COL6A2: variants seen among roughly 807,000 people sequenced by gnomAD.
The protein encoded by COL6A2 is collagen type VI alpha 2 chain.
COL6A2 carries 90 observed loss-of-function variants against 124.9 expected under a neutral mutation model. The ratio of observed to expected loss-of-function variants is 0.72; its 90% CI spans 0.61 to 0.86. COL6A2 has a LOEUF of 0.86. Ranked by LOEUF, COL6A2 falls within the 40% of genes least tolerant of loss-of-function variation. The pLI is 0.00. For missense variants in COL6A2, 1,607 were observed against 1,502.5 expected (o/e 1.07, Z -1.15); for synonymous variants, 793 against 618.2 (o/e 1.28, Z -4.19).
chr21:46,125,259 A>C lies in COL6A2; in HGVS notation c.1771-7A>C. On this transcript the variant is annotated splice_region_variant and splice_polypyrimidine_tract_variant and intron_variant, in intron 23 of 27. Transcript: ENST00000300527. ...GGGGACTACCCTGCCTGCCGTGTGC[A>C]TTGCAGGAGTGTGACGTCATGACCT... The C allele has an allele frequency of 6.2e-7, 1 of 1,611,972 alleles. No homozygotes were observed. The highest frequency in any genetic ancestry group is 8.5e-7 in the Non-Finnish European group (1 of 1,179,414).
At chr21:46,128,230 T>G (rs2078703323) in intron 27 of COL6A2, among the ~76,000 whole-genome samples, 1 of 152,166 alleles carries the variant, frequency 6.6e-6, no homozygotes, top group East Asian at 1.9e-4. Flanking sequence ...CTCTGGCCTC[T>G]TCTGAGGCCT....
chr21:46,131,144 T>TCC (rs1023086132), intron 27 of COL6A2, among the ~76,000 whole-genome samples: 1 of 152,044 alleles, frequency 6.6e-6, no homozygotes, highest in African/African-American at 2.4e-5. Flanking sequence ...GTCCCTCCCC[T>TCC]CCCCCATCCC....
At position 46,125,558 on chromosome 21, in the gene COL6A2, T is replaced by TC; in HGVS notation, c.1911dup (p.Val638ArgfsTer13). ...ACCAACTTCACACTGGAGAAGAACT[T>TC]CGTCATCAACGTGGTCAACAGGCTG... On this transcript the variant is annotated frameshift_variant, in exon 25 of 28. Coordinates refer to ENST00000300527, the MANE Select transcript of COL6A2 (RefSeq NM_001849.4). LOFTEE classifies it high-confidence loss of function. 1 of 1,612,634 alleles carries TC rather than the reference T, an allele frequency of 6.2e-7. No homozygotes were observed.
rs749697846 is a variant in COL6A2, at chr21:46,132,299, C to T, written c.2807C>T (p.Ala936Val). 1.2e-6 allele frequency: 2 copies of T among 1,605,714 alleles called. No individual in the cohort carries two copies. The highest frequency in any genetic ancestry group is 2.2e-5 in the East Asian group (1 of 44,798). ...NAIVRSPRGG[A>V]RRHAELSFVF... ...ATCGTGCGCAGCCCGCGTGGCGGGG[C>T]CCGGAGGCACGCAGAGCTGTCCTTC... Residue 936 changes from alanine to valine, a missense_variant, in exon 28 of 28, where the codon GCC becomes GTC. By Grantham distance (64) the Ala-to-Val change is moderately conservative (BLOSUM62 0). Coordinates refer to ENST00000300527, the MANE Select transcript of COL6A2 (RefSeq NM_001849.4).
chr21:46,131,474 G>C (rs1320195923), intron 27 of COL6A2, among the ~76,000 whole-genome samples: 2 of 152,242 alleles, frequency 1.3e-5, no homozygotes, highest in Non-Finnish European at 2.9e-5. Context: ...TTCCGGGAGG[G>C]ACGTGGCCCA....
Position 46,132,181 on chromosome 21 carries a change from A to T in COL6A2, c.2689A>T (p.Asn897Tyr). ...EQQVAFPLSH[N>Y]LTAIHEALET... ...GCAGGTGGCCTTCCCGCTGAGCCAC[A>T]ACCTCACGGCCATCCACGAGGCGCT... The change falls in exon 28 of 28, where the codon AAC becomes TAC. Residue 897 changes from asparagine (N) to tyrosine (Y), a missense_variant. Physicochemically the swap from Asn to Tyr is moderately radical, Grantham distance 143. Transcript: ENST00000300527. 6.4e-7 allele frequency: 1 copy of T among 1,573,908 alleles called. No individual in the cohort carries two copies. Among genetic ancestry groups the T allele is most frequent in the Non-Finnish European group, 8.6e-7 (1 of 1,160,912 alleles).
rs375657995 is a variant in COL6A2, at chr21:46,131,933, C to T, written c.2462-21C>T. On this transcript the variant is annotated intron_variant, in intron 27 of 27. Coordinates refer to ENST00000300527, the MANE Select transcript of COL6A2 (RefSeq NM_001849.4). ...CTGCCCACCTCCCCTCCGCCCAGCC[C>T]GCACCTGCGTCTCCCCACAGAGCTG... 1.1e-3 allele frequency: 1,704 copies of T among 1,573,434 alleles called. 3 individuals carry two copies. The highest frequency in any genetic ancestry group is 1.6e-3 in the South Asian group (140 of 86,500).
intron 1 of COL6A2, among the ~76,000 whole-genome samples, chr21:46,108,069 T>C (rs994799559): frequency 6.6e-5 from 10 of 151,414 alleles, no homozygotes; most frequent in Non-Finnish European, 1.3e-4. Flanking sequence ...CTCCTTTCTC[T>C]TTCTTTCTCT....
chr21:46,107,522 A>G (rs1279493146), intron 1 of COL6A2, among the ~76,000 whole-genome samples: 1 of 152,184 alleles, frequency 6.6e-6, no homozygotes, highest in Non-Finnish European at 1.5e-5. Context: ...TAACATAGCT[A>G]GCTCTTTTTC....
rs1451931496 is a variant in COL6A2 at position 46,125,475 on chromosome 21, G to A, written c.1827G>A (p.Lys609=). 3 of 1,612,804 alleles carry A rather than the reference G, an allele frequency of 1.9e-6. No individual in the cohort carries two copies. Among genetic ancestry groups the A allele is most frequent in the Non-Finnish European group, 1.7e-6 (2 of 1,179,826 alleles). Residue 609 remains lysine (K), a synonymous_variant, in exon 25 of 28, where the codon AAG becomes AAA. Transcript: ENST00000300527. ...RETCGCCDCE[K]RCGALDVVFV... ...CTGCCACCCCCCCAGACTGTGAGAA[G>A]CGCTGTGGCGCCCTGGACGTGGTCT... is the stretch of plus-strand genomic sequence containing the variant.
chr21:46,101,264 T>TTTG lies in COL6A2; in HGVS notation c.-28+3098_-28+3100dup, dbSNP rs148281210. Among the ~76,000 whole-genome samples, 527 of 152,330 alleles carry TTTG rather than the reference T, an allele frequency of 3.5e-3. 2 individuals are homozygous for TTTG. The highest frequency in any genetic ancestry group is 0.012 in the African/African-American group (480 of 41,576). On this transcript the variant is annotated intron_variant, in intron 1 of 27. Coordinates refer to ENST00000300527, the MANE Select transcript of COL6A2 (RefSeq NM_001849.4). ...TATTTTTGAATCAAGTTGATTGTTT[T>TTTG]TTGTTGTTGAATTTTAGGAGTTCTC...
intron 1 of COL6A2, among the ~76,000 whole-genome samples, chr21:46,103,841 G>C (rs2078311254): frequency 6.6e-6 from 1 of 152,132 alleles, no homozygotes; most frequent in African/African-American, 2.4e-5. Context: ...TCTCCGTCTG[G>C]TTGAAGTGAC....
chr21:46,116,259 G>C lies in COL6A2; in HGVS notation c.901-118G>C, dbSNP rs764155384. 3.1e-6 allele frequency: 4 copies of C among 1,296,092 alleles called. No homozygotes were observed. Among genetic ancestry groups the C allele is most frequent in the Non-Finnish European group, 4.4e-6 (4 of 914,854 alleles). The allele number at this position is 1,296,092 out of a possible 1,614,324, so 80.3% of individuals were successfully genotyped here. On this transcript the variant is annotated intron_variant, in intron 7 of 27. Coordinates refer to ENST00000300527, the MANE Select transcript of COL6A2 (RefSeq NM_001849.4). The surrounding 1 kb of genome is among the most constrained non-coding windows in gnomAD (Gnocchi z 4.6). ...CAGCCTCCTCCGCAGACTGTTTGTC[G>C]AGAACACTAGATGCCAGCGGCCCAC...
intron 4 of COL6A2, 135 bp from the exon 5 acceptor site, chr21:46,113,873 G>A (rs1037696140): frequency 2.2e-5 from 17 of 757,614 alleles, no homozygotes; most frequent in Middle Eastern, 2.6e-4. Flanking sequence ...CCTCACGCCC[G>A]CCCAGGTTCT....
chr21:46,120,511 A>T lies in COL6A2; in HGVS notation c.1333-4A>T, dbSNP rs2123642852. On this transcript the variant is annotated splice_polypyrimidine_tract_variant and splice_region_variant and intron_variant, in intron 15 of 27. Coordinates refer to ENST00000300527, the MANE Select transcript of COL6A2 (RefSeq NM_001849.4). Reference sequence around the variant, plus strand: ...CCCGTGGGGCCTCCCTTCCCTTCCCACAGGGGGACCCTGGCCCTGAGGGGC... The same window carrying T: ...CCCGTGGGGCCTCCCTTCCCTTCCCTCAGGGGGACCCTGGCCCTGAGGGGC... 6.6e-7 allele frequency: 1 copy of T among 1,511,360 alleles called. No homozygotes were observed. The highest frequency in any genetic ancestry group is 8.8e-7 in the Non-Finnish European group (1 of 1,132,020). 93.6% of individuals were successfully genotyped at this position (1,511,360 alleles called of 1,614,324 possible).
rs768172029 is a variant in COL6A2, at chr21:46,121,044, C to T, written c.1396-17C>T. The T allele has an allele frequency of 6.2e-7, 1 of 1,612,422 alleles. No individual in the cohort carries two copies. The highest frequency in any genetic ancestry group is 8.5e-7 in the Non-Finnish European group (1 of 1,179,610). On this transcript the variant is annotated splice_polypyrimidine_tract_variant and intron_variant, in intron 16 of 27. Transcript: ENST00000300527. ...CTGTCAGTCAAGAGAACCCCAAATT[C>T]CTCCCCTTTCTTCCAGGGAGACCGA...
chr21:46,132,343 G>A lies in COL6A2; in HGVS notation c.2851G>A (p.Val951Ile), dbSNP rs111630733. The change falls in exon 28 of 28, where the codon GTC (valine) becomes ATC (isoleucine). Residue 951 changes from valine to isoleucine, a missense_variant. Physicochemically the swap from Val to Ile is conservative, Grantham distance 29. This residue lies in a region of COL6A2 where 1,223 missense variants were observed against 1,052.2 expected (regional missense o/e 1.16). Coordinates refer to ENST00000300527, the MANE Select transcript of COL6A2 (RefSeq NM_001849.4). ...ELSFVFLTDG[V>I]TGNDSLHESA... ...GTCCTTCGTGTTCCTCACGGACGGC[G>A]TCACGGGCAACGACAGTCTGCACGA... is the stretch of plus-strand genomic sequence containing the variant. The A allele has an allele frequency of 6.1e-5, 98 of 1,608,200 alleles. No homozygotes were observed. The highest frequency in any genetic ancestry group is 4.7e-4 in the East Asian group (21 of 44,860).
rs1197649495 is a variant in COL6A2, at chr21:46,116,424, G to A, written c.927+21G>A. On this transcript the variant is annotated intron_variant, in intron 8 of 27. Coordinates refer to ENST00000300527, the MANE Select transcript of COL6A2 (RefSeq NM_001849.4). This position sits in a 1 kb window ranked among gnomAD's most constrained non-coding sequence, Gnocchi z 4.6. ...AGAAGGTGAGGCTCTTGCCCTGACAGACCTCAGACCTGCGCCAGCCTCGGC... is the reference window on the plus strand; with the variant it reads ...AGAAGGTGAGGCTCTTGCCCTGACAAACCTCAGACCTGCGCCAGCCTCGGC... 2 of 1,612,508 alleles carry A rather than the reference G, an allele frequency of 1.2e-6. No homozygotes were observed. The highest frequency in any genetic ancestry group is 1.7e-6 in the Non-Finnish European group (2 of 1,179,902).
At chr21:46,125,438 C>A in intron 24 of COL6A2, 27 bp from the exon 25 acceptor site, 1 of 1,609,560 alleles carries the variant, frequency 6.2e-7, no homozygotes, top group South Asian at 1.1e-5. Flanking sequence ...TCCCCGGTAC[C>A]CCCCGATGAC....
Sources: allele counts gnomAD v4.1 joint callset (sites outside exome capture counted in the v4.1 genomes callset), GRCh38; gene constraint gnomAD v4.1.1; regional missense constraint gnomAD v4.1.1; non-coding constraint Gnocchi (gnomAD v3.1); transcripts MANE v1.5; gene names NCBI Gene and HGNC (gene_info 2026-07-23, HGNC 2026-07-21).